Variants in ADARB2 observed in about 807,000 individuals in gnomAD.
ADARB2 encodes the protein inactive double-stranded RNA-specific editase B2.
ADARB2 carries 25 observed loss-of-function variants against 62.2 expected under a neutral mutation model. That is an observed-to-expected ratio of 0.40 (90% CI 0.29 to 0.56). The LOEUF (loss-of-function observed/expected upper bound fraction) is 0.56, where lower values mean the gene tolerates loss of function less well. Among genes scored for constraint, ADARB2 ranks in the 20% least tolerant of loss-of-function variants. ADARB2 has a pLI of 0.43. For missense variants in ADARB2, 1,071 were observed against 1,077.4 expected, an observed-to-expected ratio of 0.99 and a Z score of 0.08; for synonymous variants, 572 against 500.8, an observed-to-expected ratio of 1.14 and a Z score of -1.90.
chr10:1,507,016 C>A (rs1831860932), intron 1 of ADARB2, among the ~76,000 whole-genome samples: 1 of 152,200 alleles, frequency 6.6e-6, no homozygotes, highest in South Asian at 2.1e-4. Flanking sequence ...GGGCTCCCAG[C>A]CTGTGGCACT....
intron 1 of ADARB2, among the ~76,000 whole-genome samples, chr10:1,624,927 G>A (rs1833748184): frequency 1.3e-5 from 2 of 152,180 alleles, no homozygotes; most frequent in African/African-American, 2.4e-5. Flanking sequence ...TGCATTTACT[G>A]AAGCAGGTGA....
At chr10:1,325,629 C>G (rs755578411) in intron 3 of ADARB2, among the ~76,000 whole-genome samples, 5 of 152,216 alleles carry the variant, frequency 3.3e-5, no homozygotes, top group African/African-American at 4.8e-5. Context: ...GGGACCCCAT[C>G]TGTTTTTCCA....
At chr10:1,616,518 A>G in intron 1 of ADARB2, among the ~76,000 whole-genome samples, 1 of 147,374 alleles carries the variant, frequency 6.8e-6, no homozygotes, top group Admixed American at 6.8e-5. Flanking sequence ...CTGGCCTCAG[A>G]GGGTTGCATT....
At chr10:1,389,476 T>C (rs1253152453) in intron 1 of ADARB2, among the ~76,000 whole-genome samples, 1 of 152,130 alleles carries the variant, frequency 6.6e-6, no homozygotes, top group African/African-American at 2.4e-5. Flanking sequence ...GGCAACATAC[T>C]TGAACAGAAA....
chr10:1,487,210 A>C (rs752844529), intron 1 of ADARB2, among the ~76,000 whole-genome samples: 17 of 152,246 alleles, frequency 1.1e-4, no homozygotes, highest in Admixed American at 8.5e-4. Context: ...GGTGAGACTC[A>C]GGTGAAGGGT....
intron 1 of ADARB2, among the ~76,000 whole-genome samples, chr10:1,717,458 CTTTCT>C (rs1445703115): frequency 3.3e-5 from 5 of 152,038 alleles, no homozygotes; most frequent in Admixed American, 1.3e-4. Context: ...CAGTCTCTTT[CTTTCT>C]TTTCTTTTCT....
At chr10:1,313,211 T>C (rs869837) in intron 3 of ADARB2, among the ~76,000 whole-genome samples, 20,688 of 151,784 alleles carry the variant, frequency 0.14, 2,871 homozygotes, top group African/African-American at 0.35. Flanking sequence ...GGGGACAGCT[T>C]TGGGGAGAAG....
At position 1,272,938 on chromosome 10, in the gene ADARB2, C is replaced by T. The variant is rs182585332; in HGVS notation, c.1078-1869G>A. The stretch of plus-strand genomic sequence containing the variant: ...CCTCCTGAGGCTCTGGGGAGCCTTC[C>T]TGCCTCTCCTGGCTCCAGGCCTCCG... On this transcript the variant is annotated intron_variant, in intron 3 of 9. Coordinates refer to ENST00000381312, the MANE Select transcript of ADARB2 (RefSeq NM_018702.4). 5.0e-3 allele frequency among the ~76,000 whole-genome samples: 762 copies of T among 152,368 alleles called. 4 individuals carry two copies. The highest frequency in any genetic ancestry group is 0.017 in the African/African-American group (724 of 41,584).
At chr10:1,415,031 T>C (rs1478264437) in intron 1 of ADARB2, among the ~76,000 whole-genome samples, 1 of 149,924 alleles carries the variant, frequency 6.7e-6, no homozygotes, top group Non-Finnish European at 1.5e-5. Context: ...GGATGATAGA[T>C]GGATGGATGG....
At chr10:1,231,173 G>T (rs958660069) in intron 6 of ADARB2, among the ~76,000 whole-genome samples, 7 of 152,086 alleles carry the variant, frequency 4.6e-5, no homozygotes, top group Non-Finnish European at 7.3e-5. Flanking sequence ...TCCCACCAGG[G>T]ACATATTAGC....
chr10:1,736,993 G>A lies in ADARB2; in HGVS notation c.100+58C>T, dbSNP rs965203023. ...AAGCCCGGAGACCCCATGAGAGGCC[G>A]GGGTGGAGAAGCCGGGGGTGAAGGG... On this transcript the variant is annotated intron_variant, in intron 1 of 9. Transcript: ENST00000381312. The A allele has an allele frequency of 4.3e-5, 67 of 1,565,060 alleles. No individual in the cohort carries two copies. The African/African-American group carries it at 7.1e-4, about 17-fold the overall frequency.
Position 1,181,640 on chromosome 10 carries a change from T to C in ADARB2, c.*1553A>G, listed in dbSNP as rs1433824745. On this transcript the variant is annotated 3_prime_UTR_variant, in exon 10 of 10. Transcript: ENST00000381312. ...TTATGATAACTGTAATTTATAGCAC[T>C]TGACTATGTACAGCACAATGTTATT... 1 of 152,266 alleles carries C rather than the reference T, an allele frequency of 6.6e-6. No homozygotes were observed. The highest frequency in any genetic ancestry group is 1.5e-5 in the Non-Finnish European group (1 of 68,048). 9.4% of individuals were successfully genotyped at this position (152,266 alleles called of 1,614,324 possible). A position where few individuals can be genotyped will look rare whatever the true frequency, so the allele number is the denominator to read the frequency against.
chr10:1,419,174 A>G (rs1832832245), intron 1 of ADARB2, among the ~76,000 whole-genome samples: 1 of 151,942 alleles, frequency 6.6e-6, no homozygotes, highest in Non-Finnish European at 1.5e-5. Context: ...GCTCACTGCA[A>G]CCTCCACCTC....
At chr10:1,521,792 C>T (rs1832077213) in intron 1 of ADARB2, among the ~76,000 whole-genome samples, 1 of 151,304 alleles carries the variant, frequency 6.6e-6, no homozygotes, top group Non-Finnish European at 1.5e-5. Flanking sequence ...CCCCACTACC[C>T]CCAACCCCTT....
At chr10:1,227,484 G>A (rs559596356) in intron 6 of ADARB2, among the ~76,000 whole-genome samples, 33 of 152,340 alleles carry the variant, frequency 2.2e-4, no homozygotes, top group African/African-American at 7.0e-4. Flanking sequence ...GAAATCACCT[G>A]TCTTCTGCGT....
chr10:1,696,616 C>G (rs1834749404), intron 1 of ADARB2, among the ~76,000 whole-genome samples: 1 of 152,170 alleles, frequency 6.6e-6, no homozygotes, highest in South Asian at 2.1e-4. Context: ...TGTTGAACTC[C>G]CAGTGTCCAG....
chr10:1,328,505 GT>G (rs59593427), intron 3 of ADARB2, among the ~76,000 whole-genome samples: 3,911 of 151,262 alleles, frequency 0.026, 87 homozygotes, highest in East Asian at 0.11. Context: ...CCCGCGTCCT[GT>G]TTTTTTTTCT....
intron 3 of ADARB2, among the ~76,000 whole-genome samples, chr10:1,331,939 G>A (rs2131834212): frequency 6.6e-6 from 1 of 152,322 alleles, no homozygotes; most frequent in Non-Finnish European, 1.5e-5. Flanking sequence ...CCCATGGTAT[G>A]GTGGTGGCTA....
chr10:1,737,018 G>C (rs769481366), intron 1 of ADARB2, 33 bp downstream of exon 1: 1 of 1,604,756 alleles, frequency 6.2e-7, no homozygotes, highest in Middle Eastern at 1.7e-4. Flanking sequence ...GGGGTGAAGG[G>C]GGGCAGGGGC....
Sources: allele counts gnomAD v4.1 joint callset (sites outside exome capture counted in the v4.1 genomes callset), GRCh38; gene constraint gnomAD v4.1.1; transcripts MANE v1.5; gene names NCBI Gene and HGNC (gene_info 2026-07-23, HGNC 2026-07-21).